The following MUC17 variants were observed in gnomAD, a reference collection of about 807,000 sequenced individuals.
MUC17 encodes mucin 17, cell surface associated.
A neutral mutation model predicts 170.3 loss-of-function variants in MUC17; 190 were observed. The observed-to-expected ratio is 1.12, with a 90% CI of 0.99 to 1.26. MUC17 has a LOEUF of 1.26. Ranked by LOEUF, MUC17 falls within the 50% of genes most tolerant of loss-of-function variation. The probability of loss-of-function intolerance (pLI) is 0.00; values close to 1 mark genes in which losing one functional copy is unlikely to be tolerated. For synonymous variants in MUC17, 2,325 were observed against 2,002.5 expected (o/e 1.16, Z -4.30); for missense variants, 6,415 against 5,530.0 (o/e 1.16, Z -5.08).
At position 101,036,874 on chromosome 7, in the gene MUC17, G is replaced by A; in HGVS notation, c.5458G>A (p.Val1820Met). 1 of 1,609,430 alleles carries A rather than the reference G, an allele frequency of 6.2e-7. No individual in the cohort carries two copies. Among genetic ancestry groups the A allele is most frequent in the Non-Finnish European group, 8.5e-7 (1 of 1,178,376 alleles). ...LTSTPVSHTLVANSEASTLST... is the reference protein window; with the variant it reads ...LTSTPVSHTLMANSEASTLST... ...AAGCACACCTGTCAGCCACACGCTG[G>A]TGGCCAATTCTGAGGCTAGCACCCT... The change falls in exon 3 of 13, where the codon GTG (valine) becomes ATG (methionine). Residue 1820 changes from valine to methionine, a missense_variant. Coordinates refer to ENST00000306151, the MANE Select transcript of MUC17 (RefSeq NM_001040105.2).
chr7:101,037,242 A>T lies in MUC17; in HGVS notation c.5826A>T (p.Glu1942Asp). The T allele has an allele frequency of 6.2e-7, 1 of 1,610,406 alleles. No individual in the cohort carries two copies. Among genetic ancestry groups the T allele is most frequent in the East Asian group, 2.2e-5 (1 of 44,724 alleles). Residue 1942 changes from glutamate (E) to aspartate (D), a missense_variant, in exon 3 of 13, where the codon GAA becomes GAT. Transcript: ENST00000306151. ...PVSTTTVASS[E>D]INTLSTTLAD... ...GCACCACAACAGTGGCCAGTTCTGA[A>T]ATCAACACCCTTTCAACAACTCTTG...
chr7:101,047,468 G>T (rs10281307), intron 3 of MUC17, among the ~76,000 whole-genome samples: 1 of 152,152 alleles, frequency 6.6e-6, no homozygotes, highest in Non-Finnish European at 1.5e-5. Flanking sequence ...CTCACTTTGC[G>T]TATCTGTGAA....
At chr7:101,050,221 C>A (rs1794912700) in intron 6 of MUC17, among the ~76,000 whole-genome samples, 1 of 152,142 alleles carries the variant, frequency 6.6e-6, no homozygotes, top group African/African-American at 2.4e-5. Context: ...CTAAGACCTA[C>A]CAGAGACTCC....
rs140249948 is a variant in MUC17 at position 101,043,053 on chromosome 7, C to G, written c.11637C>G (p.Leu3879=). 213 of 1,614,118 alleles carry G rather than the reference C, an allele frequency of 1.3e-4. No individual in the cohort carries two copies. The African/African-American group carries it at 2.5e-3, about 19-fold the overall frequency. The change falls in exon 3 of 13, where the codon CTC becomes CTG. Residue 3879 remains leucine (L), a synonymous_variant. Transcript: ENST00000306151. The part of the protein sequence containing the change: ...TSERSTPLTT[L]LVSTTLPTSF... ...AAAGAAGCACTCCATTAACAACTCT[C>G]CTTGTCAGCACCACACTTCCAACTA...
chr7:101,045,391 T>C (rs920900045), intron 3 of MUC17, among the ~76,000 whole-genome samples: 10 of 151,348 alleles, frequency 6.6e-5, no homozygotes, highest in African/African-American at 2.4e-4. Context: ...TTTTCTTTTC[T>C]TTTCTTTTTC....
At position 101,058,007 on chromosome 7, in the gene MUC17, G is replaced by T. The variant is rs9656065; in HGVS notation, c.13445G>T (p.Arg4482Leu). The change falls in exon 13 of 13, where the codon CGA becomes CTA. Residue 4482 changes from arginine (R) to leucine (L), a missense_variant. Physicochemically the swap from Arg to Leu is moderately radical, Grantham distance 102. Transcript: ENST00000306151. ...LRHIDPETKI[R>L]IQRPQVMTTS... ...TGGTTTTATCTCTCTTTTCAGATCC[G>T]AATTCAGAGGCCTCAGGTAATGACG... The T allele has an allele frequency of 6.2e-7, 1 of 1,613,700 alleles. No individual in the cohort carries two copies.
At position 101,036,751 on chromosome 7, in the gene MUC17, C is replaced by T; in HGVS notation, c.5335C>T (p.Pro1779Ser). The T allele has an allele frequency of 1.9e-6, 3 of 1,612,492 alleles. No homozygotes were observed. The highest frequency in any genetic ancestry group is 8.5e-7 in the Non-Finnish European group (1 of 1,179,552). ...LSATPIDTST[P>S]VTTSTEATSS... ...AGCAACTCCTATTGACACCAGCACCCCTGTGACCACTTCTACTGAAGCCAC... is the reference window on the plus strand; with the variant it reads ...AGCAACTCCTATTGACACCAGCACCTCTGTGACCACTTCTACTGAAGCCAC... The change falls in exon 3 of 13, where the codon CCT becomes TCT. Residue 1779 changes from proline (P) to serine (S), a missense_variant. Pro to Ser is a moderately conservative substitution (Grantham distance 74). Transcript: ENST00000306151.
chr7:101,037,507 G>A lies in MUC17; in HGVS notation c.6091G>A (p.Gly2031Ser), dbSNP rs1310896897. ...EGSSSPTTAGGTSIQTSTPSE... is the reference protein window; with the variant it reads ...EGSSSPTTAGSTSIQTSTPSE... ...CAGTTCATCTCCTACAACTGCAGGA[G>A]GTACCAGCATACAAACCTCAACTCC... The change falls in exon 3 of 13, where the codon GGT becomes AGT. Residue 2031 changes from glycine to serine, a missense_variant. Transcript: ENST00000306151. The A allele has an allele frequency of 3.1e-6, 5 of 1,613,650 alleles. No individual in the cohort carries two copies.
At chr7:101,055,429 T>C (rs1795028996) in intron 11 of MUC17, among the ~76,000 whole-genome samples, 1 of 152,090 alleles carries the variant, frequency 6.6e-6, no homozygotes, top group Non-Finnish European at 1.5e-5. Flanking sequence ...CAAAAAGAAT[T>C]ACTAGGTATA....
chr7:101,032,834 C>A lies in MUC17; in HGVS notation c.1418C>A (p.Ser473Ter). 1 of 1,613,976 alleles carries A rather than the reference C, an allele frequency of 6.2e-7. No individual in the cohort carries two copies. ...GCCAGTTCTGAGGCTAGCAACCTTT[C>A]AACAACTCCTGTTGACTCCAAAACT... ...PVASSEASNL[S>*]TTPVDSKTQV... Residue 473 changes from serine (S) to a stop codon, truncating the protein, a stop_gained, in exon 3 of 13, where the codon TCA (serine) becomes TAA (stop). Coordinates refer to ENST00000306151, the MANE Select transcript of MUC17 (RefSeq NM_001040105.2). LOFTEE classifies it high-confidence loss of function.
Position 101,037,749 on chromosome 7 carries a change from C to T in MUC17, c.6333C>T (p.Thr2111=), listed in dbSNP as rs753039884. The change falls in exon 3 of 13, where the codon ACC becomes ACT. Residue 2111 remains threonine (T), a synonymous_variant. Transcript: ENST00000306151. Reference sequence around the variant, plus strand: ...TACTAACAAGTATACCTCTCAGCACCACGCCGGTGGCCAGTCCTGAGGCTA... The same window carrying T: ...TACTAACAAGTATACCTCTCAGCACTACGCCGGTGGCCAGTCCTGAGGCTA... The part of the protein sequence containing the change: ...SPLLTSIPLS[T]TPVASPEAST... 1 of 1,613,776 alleles carries T rather than the reference C, an allele frequency of 6.2e-7. No homozygotes were observed. Among genetic ancestry groups the T allele is most frequent in the Admixed American group, 1.7e-5 (1 of 60,000 alleles).
In MUC17 at chr7:101,031,773, A is replaced by G. The variant is rs1794284068; in HGVS notation, c.357A>G (p.Ser119=). Residue 119 remains serine, a synonymous_variant, in exon 3 of 13, where the codon TCA becomes TCG. Coordinates refer to ENST00000306151, the MANE Select transcript of MUC17 (RefSeq NM_001040105.2). ...CACCAACAGAATCCAGAACAACTTC[A>G]GAATCTACCAGTGACAGCACCACAC... is the stretch of plus-strand genomic sequence containing the variant. ...RMTPTESRTT[S]ESTSDSTTLF... 3 of 1,607,286 alleles carry G rather than the reference A, an allele frequency of 1.9e-6. No homozygotes were observed. The highest frequency in any genetic ancestry group is 2.2e-5 in the East Asian group (1 of 44,840).
intron 1 of MUC17, among the ~76,000 whole-genome samples, chr7:101,027,238 A>G (rs1794196754): frequency 6.6e-6 from 1 of 152,082 alleles, no homozygotes; most frequent in African/African-American, 2.4e-5. Flanking sequence ...GTGTGGATGA[A>G]AGGTAGTAAG....
chr7:101,058,110 C>T lies in MUC17; in HGVS notation c.*66C>T. On this transcript the variant is annotated 3_prime_UTR_variant, in exon 13 of 13. Transcript: ENST00000306151. Reference sequence around the variant, plus strand: ...CCGGCTAAGCTTGGTGGAGCATTTTCCCATTGAGAGCCTTCCATGGGAACT... The same window carrying T: ...CCGGCTAAGCTTGGTGGAGCATTTTTCCATTGAGAGCCTTCCATGGGAACT... 1 of 1,437,060 alleles carries T rather than the reference C, an allele frequency of 7.0e-7. No individual in the cohort carries two copies. The highest frequency in any genetic ancestry group is 1.1e-5 in the South Asian group (1 of 86,984). The allele number at this position is 1,437,060 out of a possible 1,614,324, so 89.0% of individuals were successfully genotyped here. A position where few individuals can be genotyped will look rare whatever the true frequency, so the allele number is the denominator to read the frequency against.
rs142998993 is a variant in MUC17, at chr7:101,043,674, T to G, written c.12258T>G (p.Pro4086=). Reference sequence around the variant, plus strand: ...CTGCCTCCTCCACGACTGTGAACCCTGAGGCTGTCACCACCATGACCACCA... The same window carrying G: ...CTGCCTCCTCCACGACTGTGAACCCGGAGGCTGTCACCACCATGACCACCA... ...TTSASSTTVN[P]EAVTTMTTRT... The change falls in exon 3 of 13, where the codon CCT becomes CCG. Residue 4086 remains proline (P), a synonymous_variant. Coordinates refer to ENST00000306151, the MANE Select transcript of MUC17 (RefSeq NM_001040105.2). The G allele has an allele frequency of 1.7e-5, 27 of 1,614,112 alleles. No homozygotes were observed. In the African/African-American group the frequency reaches 3.1e-4, roughly 18 times the overall value.
rs267601201 is a variant in MUC17 at position 101,038,758 on chromosome 7, A to T, written c.7342A>T (p.Thr2448Ser). 2 of 1,612,144 alleles carry T rather than the reference A, an allele frequency of 1.2e-6. No homozygotes were observed. Among genetic ancestry groups the T allele is most frequent in the South Asian group, 2.2e-5 (2 of 91,032 alleles). Residue 2448 changes from threonine (T) to serine (S), a missense_variant, in exon 3 of 13, where the codon ACC (threonine) becomes TCC (serine). Transcript: ENST00000306151. The part of the protein sequence containing the change: ...PTTAEGTSIP[T>S]SPPSEGTTPL... ...AACTGCTGAAGGTACCAGCATACCA[A>T]CCTCACCTCCTAGTGAAGGAACCAC...
Position 101,035,883 on chromosome 7 carries a change from T to C in MUC17, c.4467T>C (p.Ser1489=). The change falls in exon 3 of 13, where the codon TCT becomes TCC. Residue 1489 remains serine, a synonymous_variant. Coordinates refer to ENST00000306151, the MANE Select transcript of MUC17 (RefSeq NM_001040105.2). ...ACTCTAACAGTCCTGTGGTCACTTC[T>C]ACAGCAGTCAGTTCATCTCCTACAC... The part of the protein sequence containing the change: ...PVDSNSPVVT[S]TAVSSSPTPA... The C allele has an allele frequency of 3.7e-6, 6 of 1,609,684 alleles. No individual in the cohort carries two copies. Among genetic ancestry groups the C allele is most frequent in the South Asian group, 1.1e-5 (1 of 90,492 alleles).
Position 101,035,460 on chromosome 7 carries a change from G to A in MUC17, c.4044G>A (p.Leu1348=), listed in dbSNP as rs151068583. ...PLTSIPVNTT[L]VASSAISILS... ...CAAGTATACCTGTCAACACCACACTGGTGGCCAGTTCTGCAATCAGCATCC... is the reference window on the plus strand; with the variant it reads ...CAAGTATACCTGTCAACACCACACTAGTGGCCAGTTCTGCAATCAGCATCC... Residue 1348 remains leucine, a synonymous_variant, in exon 3 of 13, where the codon CTG becomes CTA. Transcript: ENST00000306151. 107 of 1,600,822 alleles carry A rather than the reference G, an allele frequency of 6.7e-5. 1 individual carries two copies. In the African/African-American group the frequency reaches 1.1e-3, roughly 16 times the overall value.
At chr7:101,049,421 G>A (rs1039102844) in intron 6 of MUC17, 39 bp downstream of exon 6, 2 of 1,591,224 alleles carry the variant, frequency 1.3e-6, no homozygotes, top group African/African-American at 1.3e-5. Context: ...TCTGTGGCGT[G>A]GAAGCAGTGG....
Sources: allele counts gnomAD v4.1 joint callset (sites outside exome capture counted in the v4.1 genomes callset), GRCh38; gene constraint gnomAD v4.1.1; transcripts MANE v1.5; gene names NCBI Gene and HGNC (gene_info 2026-07-23, HGNC 2026-07-21).